Variants in LRRC1 observed in about 807,000 individuals in gnomAD.
The protein encoded by LRRC1 is leucine rich repeat containing 1, also known as leucine-rich repeat-containing protein 1.
LRRC1 carries 28 observed loss-of-function variants against 69.9 expected under a neutral mutation model. The ratio of observed to expected loss-of-function variants is 0.40; its 90% CI spans 0.30 to 0.55. LRRC1 has a LOEUF of 0.55. LRRC1 is among the 20% of genes least tolerant of loss of function. The pLI, the probability that LRRC1 is intolerant of heterozygous loss-of-function variation, is 0.47. For missense variants in LRRC1, 498 were observed against 609.0 expected (o/e 0.82, Z 1.92); for synonymous variants, 236 against 240.2 (o/e 0.98, Z 0.16).
At chr6:53,803,380 A>C (rs1764542225) in intron 1 of LRRC1, among the ~76,000 whole-genome samples, 1 of 152,176 alleles carries the variant, frequency 6.6e-6, no homozygotes, top group Non-Finnish European at 1.5e-5. Context: ...GACTCTACCC[A>C]GGATTCAGGG....
intron 2 of LRRC1, among the ~76,000 whole-genome samples, chr6:53,861,233 A>G (rs1013706872): frequency 2.6e-5 from 4 of 151,866 alleles, no homozygotes; most frequent in African/African-American, 9.7e-5. Context: ...TCTCAACTGC[A>G]TGTTAGATTC....
intron 4 of LRRC1, among the ~76,000 whole-genome samples, chr6:53,895,260 G>A (rs1300555443): frequency 6.6e-6 from 1 of 152,118 alleles, no homozygotes. Context: ...TTTTGTTCTT[G>A]CTTTAAGTAT....
intron 2 of LRRC1, among the ~76,000 whole-genome samples, chr6:53,849,587 C>T (rs368796169): frequency 2.4e-4 from 37 of 152,162 alleles, no homozygotes; most frequent in African/African-American, 8.0e-4. Context: ...CCAACATGCT[C>T]GCACCACTGC....
At position 53,910,390 on chromosome 6, in the gene LRRC1, C is replaced by G. The variant is rs187245951; in HGVS notation, c.991-3464C>G. On this transcript the variant is annotated intron_variant, in intron 10 of 13. Transcript: ENST00000370888. ...ACCTGTAAACTCTGCCTCCTGAACCCAAAAGAGAAAGCCAAAATATATATG... is the reference window on the plus strand; with the variant it reads ...ACCTGTAAACTCTGCCTCCTGAACCGAAAAGAGAAAGCCAAAATATATATG... 2.4e-3 allele frequency among the ~76,000 whole-genome samples: 366 copies of G among 152,060 alleles called. 1 individual carries two copies. The highest frequency in any genetic ancestry group is 3.2e-3 in the Non-Finnish European group (215 of 67,972).
intron 3 of LRRC1, among the ~76,000 whole-genome samples, chr6:53,879,485 C>T (rs903453777): frequency 2.0e-5 from 3 of 152,052 alleles, no homozygotes; most frequent in African/African-American, 4.8e-5. Flanking sequence ...GGGGTTTCAC[C>T]ATATTGGCCA....
chr6:53,868,426 T>C (rs1581887006), intron 2 of LRRC1, among the ~76,000 whole-genome samples: 2 of 152,288 alleles, frequency 1.3e-5, no homozygotes, highest in Admixed American at 1.3e-4. Context: ...GGTTTCCCCA[T>C]GTTGGCCCAG....
intron 11 of LRRC1, 78 bp from the exon 12 acceptor site, chr6:53,919,420 T>G: frequency 8.3e-7 from 1 of 1,201,860 alleles, no homozygotes. Context: ...TTTTTCCTCA[T>G]TTTGTTGATA....
chr6:53,851,583 C>T (rs1478342104), intron 2 of LRRC1, among the ~76,000 whole-genome samples: 2 of 152,184 alleles, frequency 1.3e-5, no homozygotes, highest in Non-Finnish European at 2.9e-5. Flanking sequence ...AAATGCTTAT[C>T]CCATCCAGGA....
At chr6:53,827,846 G>A (rs1765318601) in intron 1 of LRRC1, among the ~76,000 whole-genome samples, 2 of 152,148 alleles carry the variant, frequency 1.3e-5, no homozygotes, top group Non-Finnish European at 2.9e-5. Flanking sequence ...TAAGATATGA[G>A]CAAGCATTTT....
chr6:53,799,854 C>G (rs1764415397), intron 1 of LRRC1, among the ~76,000 whole-genome samples: 1 of 152,206 alleles, frequency 6.6e-6, no homozygotes, highest in Non-Finnish European at 1.5e-5. Context: ...TCTGATCCTT[C>G]CTTCTTCTCT....
At chr6:53,884,024 C>T in intron 4 of LRRC1, 1 of 717,342 alleles carries the variant, frequency 1.4e-6, no homozygotes, top group Admixed American at 2.0e-5. Context: ...GATGTTTTAT[C>T]TTTATGCCAT....
At chr6:53,821,472 T>C (rs1008728171) in intron 1 of LRRC1, among the ~76,000 whole-genome samples, 2 of 152,244 alleles carry the variant, frequency 1.3e-5, no homozygotes, top group Non-Finnish European at 2.9e-5. Context: ...TCATGGGCCA[T>C]CAGCACTGTG....
intron 2 of LRRC1, among the ~76,000 whole-genome samples, chr6:53,842,964 T>C (rs1765835861): frequency 6.6e-6 from 1 of 152,206 alleles, no homozygotes; most frequent in Admixed American, 6.5e-5. Context: ...CATTTTTAAA[T>C]GGGTACCTTG....
chr6:53,902,709 A>C lies in LRRC1; in HGVS notation c.868A>C (p.Ser290Arg). Residue 290 changes from serine (S) to arginine (R), a missense_variant, in exon 9 of 14, where the codon AGT becomes CGT. This residue lies in a region of LRRC1 where 266 missense variants were observed against 383.9 expected (regional missense o/e 0.69). Coordinates refer to ENST00000370888, the MANE Select transcript of LRRC1 (RefSeq NM_018214.5). ...QLPEAVGECE[S>R]LTELVLTENQ... ...GCCTGAAGCAGTTGGGGAATGTGAA[A>C]GTCTCACTGAGTTAGTTCTTACAGA... 1 of 1,613,296 alleles carries C rather than the reference A, an allele frequency of 6.2e-7. No individual in the cohort carries two copies. The highest frequency in any genetic ancestry group is 8.5e-7 in the Non-Finnish European group (1 of 1,179,522).
chr6:53,806,788 AGTT>A (rs1581842131), intron 1 of LRRC1, among the ~76,000 whole-genome samples: 1 of 152,316 alleles, frequency 6.6e-6, no homozygotes, highest in African/African-American at 2.4e-5. Flanking sequence ...TCCTGTGGTC[AGTT>A]GTTGATTCCC....
intron 1 of LRRC1, among the ~76,000 whole-genome samples, chr6:53,832,553 A>T (rs570680103): frequency 6.6e-6 from 1 of 152,344 alleles, no homozygotes; most frequent in South Asian, 2.1e-4. Flanking sequence ...AAATATAAAA[A>T]ACACTGTAAT....
At chr6:53,854,012 ATTCAC>A (rs777901996) in intron 2 of LRRC1, among the ~76,000 whole-genome samples, 1 of 152,190 alleles carries the variant, frequency 6.6e-6, no homozygotes, top group Non-Finnish European at 1.5e-5. Context: ...TTCCATTAGC[ATTCAC>A]ATTGGTCACA....
At chr6:53,847,605 G>A (rs1765988833) in intron 2 of LRRC1, among the ~76,000 whole-genome samples, 2 of 152,168 alleles carry the variant, frequency 1.3e-5, no homozygotes, top group East Asian at 3.8e-4. Context: ...CAGACTAAGT[G>A]GACTGCCTAC....
intron 1 of LRRC1, among the ~76,000 whole-genome samples, chr6:53,834,927 A>G (rs1000496725): frequency 1.3e-5 from 2 of 152,156 alleles, no homozygotes; most frequent in African/African-American, 4.8e-5. Flanking sequence ...ATGCCACTGC[A>G]CTCCAGCCTG....
Sources: allele counts gnomAD v4.1 joint callset (sites outside exome capture counted in the v4.1 genomes callset), GRCh38; gene constraint gnomAD v4.1.1; regional missense constraint gnomAD v4.1.1; transcripts MANE v1.5; gene names NCBI Gene and HGNC (gene_info 2026-07-23, HGNC 2026-07-21).